UBXN7: variants seen among roughly 807,000 people sequenced by gnomAD.
UBXN7 encodes the protein UBX domain protein 7, also known as UBX domain-containing protein 7.
UBXN7 carries 9 observed loss-of-function variants against 58.0 expected under a neutral mutation model. The observed-to-expected ratio is 0.16, with a 90% CI of 0.09 to 0.27. UBXN7 has a LOEUF of 0.27. UBXN7 is among the 10% of genes least tolerant of loss of function. The probability of loss-of-function intolerance (pLI) is 1.00; values close to 1 mark genes in which losing one functional copy is unlikely to be tolerated. For missense variants in UBXN7, 328 were observed against 599.6 expected, an observed-to-expected ratio of 0.55 and a Z score of 4.73; for synonymous variants, 208 against 205.0, an observed-to-expected ratio of 1.01 and a Z score of -0.12.
intron 5 of UBXN7, among the ~76,000 whole-genome samples, chr3:196,372,300 T>TTCCCTCTCTCTCTCTCTCTCTCTC (rs1728861641): frequency 7.5e-6 from 1 of 133,560 alleles, no homozygotes; most frequent in Non-Finnish European, 1.6e-5. Context: ...TAATAGCTGA[T>TTCCCTCTCTCTCTCTCTCTCTCTC]TCTCTCTCTC....
At chr3:196,399,038 G>A (rs1299351918) in intron 3 of UBXN7, among the ~76,000 whole-genome samples, 1 of 152,156 alleles carries the variant, frequency 6.6e-6, no homozygotes, top group African/African-American at 2.4e-5. Context: ...AACTGTCAAA[G>A]TGTAAACTGA....
intron 1 of UBXN7, among the ~76,000 whole-genome samples, chr3:196,427,591 T>C (rs1436328919): frequency 2.0e-5 from 3 of 152,208 alleles, no homozygotes; most frequent in East Asian, 1.9e-4. Flanking sequence ...GTGCCTGGGA[T>C]TACAGGCGTG....
intron 8 of UBXN7, among the ~76,000 whole-genome samples, chr3:196,366,898 A>C (rs938380347): frequency 8.5e-5 from 13 of 152,208 alleles, no homozygotes; most frequent in Admixed American, 8.5e-4. Flanking sequence ...AAAGAAAAAA[A>C]CAGGACGGGC....
Position 196,421,259 on chromosome 3 carries a change from T to C in UBXN7, c.73+11068A>G, listed in dbSNP as rs549959905. On this transcript the variant is annotated intron_variant, in intron 1 of 10. Transcript: ENST00000296328. ...AGTAGTGCTAATGGTGGGAAATGCA[T>C]GCGCCCAGGAGCCAAGATGCCAGAG... is the stretch of plus-strand genomic sequence containing the variant. Among the ~76,000 whole-genome samples, 11 of 152,314 alleles carry C rather than the reference T, an allele frequency of 7.2e-5. No individual in the cohort carries two copies. The South Asian group carries it at 1.2e-3, about 17-fold the overall frequency.
chr3:196,430,320 G>A (rs1730986771), intron 1 of UBXN7, among the ~76,000 whole-genome samples: 1 of 151,958 alleles, frequency 6.6e-6, no homozygotes, highest in South Asian at 2.1e-4. Flanking sequence ...GTGCCTGGGA[G>A]ATCTGCACTC....
rs1161076238 is a variant in UBXN7 at position 196,354,219 on chromosome 3, A to C, written c.*2466T>G. 2 of 152,236 alleles carry C rather than the reference A, an allele frequency of 1.3e-5. No individual in the cohort carries two copies. The highest frequency in any genetic ancestry group is 2.9e-5 in the Non-Finnish European group (2 of 68,036). The allele number at this position is 152,236 out of a possible 1,614,324, so 9.4% of individuals were successfully genotyped here. On this transcript the variant is annotated 3_prime_UTR_variant, in exon 11 of 11. Transcript: ENST00000296328. ...TCCCAGCTGCATGTTAAGCTGAGTG[A>C]AAGTACCATGCTGTCTTTTAAATCA...
intron 10 of UBXN7, among the ~76,000 whole-genome samples, chr3:196,361,314 T>C (rs910794158): frequency 7.9e-5 from 12 of 152,280 alleles, no homozygotes; most frequent in Admixed American, 4.6e-4. Context: ...AAGAAAGTGA[T>C]TTCTGGAGAT....
intron 5 of UBXN7, among the ~76,000 whole-genome samples, chr3:196,391,301 T>G (rs1729574867): frequency 6.6e-6 from 1 of 152,226 alleles, no homozygotes; most frequent in Non-Finnish European, 1.5e-5. Context: ...CATATACTGC[T>G]GGTAGAAATA....
At chr3:196,416,259 G>A (rs1730482478) in intron 1 of UBXN7, 1 of 152,070 alleles carries the variant, frequency 6.6e-6, no homozygotes, top group East Asian at 1.9e-4. Flanking sequence ...GGCCAACATG[G>A]TGGAACTCCA....
At chr3:196,430,374 A>G (rs557289594) in intron 1 of UBXN7, among the ~76,000 whole-genome samples, 1 of 151,878 alleles carries the variant, frequency 6.6e-6, no homozygotes, top group South Asian at 2.1e-4. Context: ...TAATAATAAT[A>G]ATAATAATAA....
rs977738410 is a variant in UBXN7 at position 196,432,073 on chromosome 3, G to A, written c.73+254C>T. The A allele has an allele frequency of 3.4e-5, 21 of 613,666 alleles. No homozygotes were observed. The East Asian group carries it at 5.2e-4, about 15-fold the overall frequency. 38.0% of individuals were successfully genotyped at this position (613,666 alleles called of 1,614,324 possible). ...CGGACTCGGCCCATTCCCAGGTCTG[G>A]GCTGGCGGGGGGTTGGGGGATCTCC... On this transcript the variant is annotated intron_variant, in intron 1 of 10. Transcript: ENST00000296328.
At position 196,384,087 on chromosome 3, in the gene UBXN7, A is replaced by T. The variant is rs556649353; in HGVS notation, c.468+7726T>A. Among the ~76,000 whole-genome samples the T allele has an allele frequency of 7.0e-4, 107 of 152,364 alleles. 1 individual carries two copies. Among genetic ancestry groups the T allele is most frequent in the Non-Finnish European group, 1.1e-3 (77 of 68,038 alleles). ...TAAAGAAGAAAAGAGAGAAGAATCAAATAGACGCAATAAAAAATGATCAAG... is the reference window on the plus strand; with the variant it reads ...TAAAGAAGAAAAGAGAGAAGAATCATATAGACGCAATAAAAAATGATCAAG... On this transcript the variant is annotated intron_variant, in intron 5 of 10. Transcript: ENST00000296328.
At chr3:196,404,548 C>T (rs1365959881) in intron 2 of UBXN7, among the ~76,000 whole-genome samples, 4 of 137,380 alleles carry the variant, frequency 2.9e-5, no homozygotes, top group South Asian at 4.2e-4. Context: ...AGGCGTGAGC[C>T]ACCGCGCCCG....
intron 1 of UBXN7, among the ~76,000 whole-genome samples, chr3:196,412,154 C>T (rs1730347594): frequency 6.7e-6 from 1 of 148,716 alleles, no homozygotes. Flanking sequence ...TTGCTTGAAT[C>T]CAGGAGGCGG....
At chr3:196,396,496 C>T (rs559480692) in intron 3 of UBXN7, among the ~76,000 whole-genome samples, 16 of 152,218 alleles carry the variant, frequency 1.1e-4, no homozygotes, top group Middle Eastern at 3.4e-3. Context: ...GGCATGGTAG[C>T]TCACGCCTGT....
intron 5 of UBXN7, among the ~76,000 whole-genome samples, chr3:196,386,644 C>T (rs1277551117): frequency 1.3e-5 from 2 of 152,202 alleles, no homozygotes; most frequent in South Asian, 2.1e-4. Context: ...ACCTAGAAAT[C>T]CAACTTACAA....
Position 196,407,646 on chromosome 3 carries a change from T to C in UBXN7, c.74-253A>G, listed in dbSNP as rs556825846. On this transcript the variant is annotated intron_variant, in intron 1 of 10. Transcript: ENST00000296328. ...AATAAAACAAAAACTAAATAAAGCA[T>C]TTTTTGGCCATTTCTTTGGCCATTT... Among the ~76,000 whole-genome samples, 3 of 152,242 alleles carry C rather than the reference T, an allele frequency of 2.0e-5. No homozygotes were observed. In the South Asian group the frequency reaches 6.2e-4, roughly 32 times the overall value.
intron 5 of UBXN7, among the ~76,000 whole-genome samples, chr3:196,383,595 C>G (rs1729281903): frequency 6.6e-6 from 1 of 152,178 alleles, no homozygotes; most frequent in Admixed American, 6.5e-5. Flanking sequence ...TCACAACAAA[C>G]TGTCTCTCAG....
chr3:196,404,554 G>A (rs189199187), intron 2 of UBXN7, among the ~76,000 whole-genome samples: 14 of 137,432 alleles, frequency 1.0e-4, no homozygotes, highest in East Asian at 7.7e-4. Flanking sequence ...GAGCCACCGC[G>A]CCCGGCCAAT....
Sources: allele counts gnomAD v4.1 joint callset (sites outside exome capture counted in the v4.1 genomes callset), GRCh38; gene constraint gnomAD v4.1.1; transcripts MANE v1.5; gene names NCBI Gene and HGNC (gene_info 2026-07-23, HGNC 2026-07-21).